The following PRDM16 variants were observed in gnomAD, a reference collection of about 807,000 sequenced individuals.
The protein encoded by PRDM16 is histone-lysine N-methyltransferase PRDM16.
PRDM16 carries 23 observed loss-of-function variants against 110.6 expected under a neutral mutation model. The ratio of observed to expected loss-of-function variants is 0.21; its 90% CI spans 0.15 to 0.29. The LOEUF (loss-of-function observed/expected upper bound fraction) is 0.29. Among genes scored for constraint, PRDM16 ranks in the 10% least tolerant of loss-of-function variants. The pLI is 1.00. For synonymous variants in PRDM16, 799 were observed against 781.8 expected (o/e 1.02, Z -0.37); for missense variants, 1,615 against 1,794.3 (o/e 0.90, Z 1.81).
chr1:3,379,010 C>T (rs1389840433), intron 3 of PRDM16, among the ~76,000 whole-genome samples: 2 of 151,844 alleles, frequency 1.3e-5, no homozygotes, highest in African/African-American at 2.4e-5. Flanking sequence ...AGACCCCACA[C>T]CTGACTGTGA....
intron 1 of PRDM16, among the ~76,000 whole-genome samples, chr1:3,156,019 T>C (rs1192120838): frequency 1.3e-5 from 2 of 152,238 alleles, no homozygotes; most frequent in Non-Finnish European, 2.9e-5. Context: ...AGAGAAGGGA[T>C]AAATAATGAA....
intron 12 of PRDM16, among the ~76,000 whole-genome samples, chr1:3,422,064 A>G (rs919994952): frequency 1.7e-4 from 26 of 149,370 alleles, no homozygotes; most frequent in Admixed American, 1.2e-3. Flanking sequence ...AGACAGGCAG[A>G]CAGACAGGCA....
intron 3 of PRDM16, among the ~76,000 whole-genome samples, chr1:3,257,595 A>T (rs372586930): frequency 0.2 from 2 of 10 alleles, no homozygotes; most frequent in African/African-American, 0.5. Context: ...ACATTGGCAT[A>T]AACCTTGCTC....
At chr1:3,070,287 G>C (rs1040501342) in intron 1 of PRDM16, among the ~76,000 whole-genome samples, 3 of 149,652 alleles carry the variant, frequency 2.0e-5, no homozygotes, top group Non-Finnish European at 4.5e-5. Context: ...TCCTTGCCGC[G>C]GGCCGGGTGC....
intron 8 of PRDM16, among the ~76,000 whole-genome samples, chr1:3,406,276 C>G (rs1300968938): frequency 6.6e-6 from 1 of 152,112 alleles, no homozygotes; most frequent in Non-Finnish European, 1.5e-5. Context: ...GGGGGCCAGG[C>G]TGGCAGCCTG....
At chr1:3,241,095 C>T (rs935897762) in intron 2 of PRDM16, among the ~76,000 whole-genome samples, 2 of 152,316 alleles carry the variant, frequency 1.3e-5, no homozygotes, top group Middle Eastern at 3.4e-3. Context: ...GAGCGCGTCC[C>T]GCCATTTTTC....
chr1:3,090,578 G>C (rs760060043), intron 1 of PRDM16, among the ~76,000 whole-genome samples: 5 of 152,250 alleles, frequency 3.3e-5, no homozygotes, highest in Non-Finnish European at 7.3e-5. Flanking sequence ...GTGGGTCCCT[G>C]CTAAGAGGCA....
chr1:3,356,445 G>T (rs1040900458), intron 3 of PRDM16, among the ~76,000 whole-genome samples: 2 of 152,224 alleles, frequency 1.3e-5, no homozygotes, highest in Non-Finnish European at 2.9e-5. Context: ...GGGAGTGGGG[G>T]AGGCAAGCAT....
chr1:3,282,141 G>A (rs976607726), intron 3 of PRDM16, among the ~76,000 whole-genome samples: 4 of 152,208 alleles, frequency 2.6e-5, no homozygotes, highest in Non-Finnish European at 4.4e-5. Flanking sequence ...AAAAGCTTCC[G>A]AACCTTGACT....
At chr1:3,151,859 G>T (rs1468744615) in intron 1 of PRDM16, among the ~76,000 whole-genome samples, 1 of 152,234 alleles carries the variant, frequency 6.6e-6, no homozygotes, top group Non-Finnish European at 1.5e-5. Context: ...TGTGGCCTGT[G>T]CCCCCTGTCT....
chr1:3,300,303 A>G (rs371024854), intron 3 of PRDM16, among the ~76,000 whole-genome samples: 6 of 80,524 alleles, frequency 7.5e-5, no homozygotes, highest in African/African-American at 1.8e-4. Flanking sequence ...AGTCGTGGTG[A>G]CTCTGCCCTT....
intron 1 of PRDM16, among the ~76,000 whole-genome samples, chr1:3,135,936 G>A (rs1431034743): frequency 6.6e-6 from 1 of 151,828 alleles, no homozygotes; most frequent in Non-Finnish European, 1.5e-5. Flanking sequence ...GGGCCTCTTG[G>A]CGGCCTGGGC....
At chr1:3,423,796 G>A (rs1328358375) in intron 12 of PRDM16, among the ~76,000 whole-genome samples, 4 of 152,226 alleles carry the variant, frequency 2.6e-5, no homozygotes, top group African/African-American at 4.8e-5. Flanking sequence ...AGGCCCCCCC[G>A]GCCAGGATCC....
At chr1:3,191,932 G>A (rs10737190) in intron 2 of PRDM16, among the ~76,000 whole-genome samples, 137,133 of 152,208 alleles carry the variant, frequency 0.9, 61,866 homozygotes, top group Non-Finnish European at 0.92. Flanking sequence ...AAGCACTGGA[G>A]GGCCCCAAGT....
intron 1 of PRDM16, among the ~76,000 whole-genome samples, chr1:3,118,051 CTG>C (rs929832441): frequency 1.5e-4 from 22 of 151,058 alleles, no homozygotes; most frequent in Admixed American, 6.6e-4. Context: ...CATGCTCATG[CTG>C]TGTGTGTACA....
chr1:3,219,619 C>A (rs1445993270), intron 2 of PRDM16, among the ~76,000 whole-genome samples: 5 of 152,352 alleles, frequency 3.3e-5, no homozygotes, highest in Non-Finnish European at 5.9e-5. Context: ...CGATAAAATT[C>A]TCCCAGATCC....
intron 3 of PRDM16, among the ~76,000 whole-genome samples, chr1:3,252,733 C>T (rs992921250): frequency 1.3e-5 from 2 of 152,112 alleles, no homozygotes; most frequent in African/African-American, 4.8e-5. Flanking sequence ...CTTCCTGGGG[C>T]CGACTGTGAT....
intron 5 of PRDM16, among the ~76,000 whole-genome samples, chr1:3,401,941 G>A (rs988064205): frequency 3.3e-5 from 5 of 152,232 alleles, no homozygotes; most frequent in Admixed American, 2.6e-4. Flanking sequence ...ACATGCACAT[G>A]AGTACCCATG....
chr1:3,076,734 T>G (rs970024510), intron 1 of PRDM16, among the ~76,000 whole-genome samples: 5 of 152,224 alleles, frequency 3.3e-5, no homozygotes, highest in African/African-American at 1.2e-4. Flanking sequence ...TACCGGGGCT[T>G]CTTAGTTTAT....
Sources: gnomAD v4.1 joint callset for allele counts (sites outside exome capture counted in the v4.1 genomes callset) on GRCh38, gnomAD v4.1.1 for gene constraint, MANE v1.5 for transcripts, NCBI Gene and HGNC (gene_info 2026-07-23, HGNC 2026-07-21) for gene names.